The following MACROD2 variants were observed in gnomAD, a reference collection of about 807,000 sequenced individuals.
MACROD2 encodes the protein mono-ADP ribosylhydrolase 2.
A neutral mutation model predicts 70.4 loss-of-function variants in MACROD2; 36 were observed. The ratio of observed to expected loss-of-function variants is 0.51; its 90% confidence interval spans 0.39 to 0.68. The LOEUF (loss-of-function observed/expected upper bound fraction) is 0.68. MACROD2 is among the 30% of genes least tolerant of loss of function. The probability of loss-of-function intolerance (pLI) is 0.00; values close to 1 mark genes in which losing one functional copy is unlikely to be tolerated. For missense variants in MACROD2, 496 were observed against 538.4 expected (o/e 0.92, Z 0.78); for synonymous variants, 172 against 178.8 (o/e 0.96, Z 0.30).
At chr20:14,528,844 A>G (rs1233727881) in intron 4 of MACROD2, among the ~76,000 whole-genome samples, 1 of 152,184 alleles carries the variant, frequency 6.6e-6, no homozygotes. Context: ...TACATCCTGT[A>G]GGTGCAAGTT....
intron 6 of MACROD2, among the ~76,000 whole-genome samples, chr20:15,317,928 G>C (rs962970590): frequency 6.6e-6 from 1 of 151,744 alleles, no homozygotes; most frequent in Non-Finnish European, 1.5e-5. Flanking sequence ...CAAATGTCTG[G>C]GACCAGTCAA....
chr20:14,232,637 C>T (rs1243111635), intron 3 of MACROD2, among the ~76,000 whole-genome samples: 4 of 152,186 alleles, frequency 2.6e-5, no homozygotes, highest in Admixed American at 1.3e-4. Context: ...GAAGAGACTT[C>T]GGGCTTTGTT....
At position 15,345,721 on chromosome 20, in the gene MACROD2, T is replaced by C. The variant is rs186916445; in HGVS notation, c.541-85684T>C. The stretch of plus-strand genomic sequence containing the variant: ...TAATTGAAATGTAAATTGAATTAGC[T>C]ACACAGAGCTAGTGGCCATTGTACT... On this transcript the variant is annotated intron_variant, in intron 6 of 17. Transcript: ENST00000684519. Among the ~76,000 whole-genome samples the C allele has an allele frequency of 3.2e-3, 495 of 152,322 alleles. 2 individuals are homozygous for C. Among genetic ancestry groups the C allele is most frequent in the Non-Finnish European group, 5.5e-3 (377 of 68,030 alleles).
At chr20:15,017,386 C>T (rs180909895) in intron 5 of MACROD2, among the ~76,000 whole-genome samples, 63 of 152,342 alleles carry the variant, frequency 4.1e-4, no homozygotes, top group Middle Eastern at 6.8e-3. Context: ...TTGGGCAGCT[C>T]CACCCCTGTG....
chr20:15,879,520 G>T (rs1002790521), intron 9 of MACROD2, among the ~76,000 whole-genome samples: 3 of 152,018 alleles, frequency 2.0e-5, no homozygotes, highest in Non-Finnish European at 4.4e-5. Context: ...ACAAATAATT[G>T]CAAAATATTA....
intron 5 of MACROD2, among the ~76,000 whole-genome samples, chr20:15,050,844 A>G (rs2075434223): frequency 6.6e-6 from 1 of 152,034 alleles, no homozygotes; most frequent in African/African-American, 2.4e-5. Context: ...ATGCATAATT[A>G]TTTATACATA....
intron 8 of MACROD2, among the ~76,000 whole-genome samples, chr20:15,823,044 C>G (rs1207821324): frequency 6.6e-6 from 1 of 152,166 alleles, no homozygotes; most frequent in Admixed American, 6.5e-5. Context: ...TGGCTTATGA[C>G]CCACAGACAA....
intron 5 of MACROD2, among the ~76,000 whole-genome samples, chr20:14,777,794 C>T (rs980610720): frequency 2.0e-5 from 3 of 152,190 alleles, no homozygotes; most frequent in African/African-American, 7.2e-5. Flanking sequence ...TGAGTTTCCA[C>T]GCTGACATCC....
chr20:14,609,026 G>A (rs1185790412), intron 4 of MACROD2, among the ~76,000 whole-genome samples: 3 of 152,096 alleles, frequency 2.0e-5, no homozygotes, highest in Admixed American at 6.6e-5. Flanking sequence ...GAGGTTTGGG[G>A]GTTTGGTGGG....
intron 5 of MACROD2, among the ~76,000 whole-genome samples, chr20:14,829,921 A>G (rs1749222386): frequency 6.6e-6 from 1 of 152,154 alleles, no homozygotes; most frequent in Non-Finnish European, 1.5e-5. Context: ...AGTTCAATGC[A>G]TACATTGATA....
At chr20:14,466,047 GT>G (rs1555793775) in intron 3 of MACROD2, among the ~76,000 whole-genome samples, 1 of 151,964 alleles carries the variant, frequency 6.6e-6, no homozygotes, top group Non-Finnish European at 1.5e-5. Flanking sequence ...TCTTTGTGGC[GT>G]TTTCTGTATT....
At chr20:15,255,409 G>A (rs905191117) in intron 6 of MACROD2, among the ~76,000 whole-genome samples, 1 of 152,036 alleles carries the variant, frequency 6.6e-6, no homozygotes, top group African/African-American at 2.4e-5. Context: ...CTCTGTTGAC[G>A]AAGCAAAACT....
At chr20:15,711,043 C>T (rs1015813081) in intron 8 of MACROD2, among the ~76,000 whole-genome samples, 1 of 152,112 alleles carries the variant, frequency 6.6e-6, no homozygotes, top group African/African-American at 2.4e-5. Flanking sequence ...TATTTTATTG[C>T]TTTAATATTT....
chr20:15,481,789 A>C (rs981191085), intron 7 of MACROD2, among the ~76,000 whole-genome samples: 1 of 152,208 alleles, frequency 6.6e-6, no homozygotes, highest in Non-Finnish European at 1.5e-5. Flanking sequence ...TGCAGTTAAG[A>C]GAGAAGGTGA....
chr20:14,409,768 T>C (rs4814299), intron 3 of MACROD2, among the ~76,000 whole-genome samples: 150,100 of 152,216 alleles, frequency 0.99, 74,043 homozygotes, highest in Middle Eastern at 1. Context: ...TGTCCTTAAT[T>C]GCTGCTCGGG....
chr20:15,324,061 A>C lies in MACROD2; in HGVS notation c.540+94000A>C, dbSNP rs2077901151. Among the ~76,000 whole-genome samples the C allele has an allele frequency of 5.3e-5, 8 of 152,262 alleles. No individual in the cohort carries two copies. In the South Asian group the frequency reaches 1.5e-3, roughly 28 times the overall value. ...CAAGATCTCTACAATGAATTGTACC[A>C]ATGCTCCAGGAAATACTTGCCCCAT... On this transcript the variant is annotated intron_variant, in intron 6 of 17. Coordinates refer to ENST00000684519, the MANE Select transcript of MACROD2 (RefSeq NM_001351661.2).
intron 8 of MACROD2, among the ~76,000 whole-genome samples, chr20:15,689,063 G>A (rs904256005): frequency 6.6e-5 from 10 of 152,330 alleles, no homozygotes; most frequent in Admixed American, 2.0e-4. Context: ...CAGCACTTTC[G>A]GAGGCCAAGG....
chr20:14,322,955 C>A (rs961028641), intron 3 of MACROD2: 4 of 152,012 alleles, frequency 2.6e-5, no homozygotes, highest in African/African-American at 9.7e-5. Context: ...GATTTCAAGT[C>A]TTTTGATGCT....
rs552037546 is a variant in MACROD2 at position 14,538,608 on chromosome 20, C to T, written c.301+45100C>T. ...CTCTCTACGCATGACTCTCTCAGCTCTAACCACACCGGCCTTCTTTCTATT... is the reference window on the plus strand; with the variant it reads ...CTCTCTACGCATGACTCTCTCAGCTTTAACCACACCGGCCTTCTTTCTATT... On this transcript the variant is annotated intron_variant, in intron 4 of 17. Transcript: ENST00000684519. Among the ~76,000 whole-genome samples the T allele has an allele frequency of 5.9e-5, 9 of 152,288 alleles. No homozygotes were observed. In the South Asian group the frequency reaches 1.7e-3, roughly 28 times the overall value.
Sources: gnomAD v4.1 joint callset for allele counts (sites outside exome capture counted in the v4.1 genomes callset) on GRCh38, gnomAD v4.1.1 for gene constraint, MANE v1.5 for transcripts, NCBI Gene and HGNC (gene_info 2026-07-23, HGNC 2026-07-21) for gene names.